SIDT1: variants seen among roughly 807,000 people sequenced by gnomAD.
SIDT1 encodes the protein SID1 transmembrane family member 1.
SIDT1 carries 101 observed loss-of-function variants against 107.5 expected under a neutral mutation model. That is an observed-to-expected ratio of 0.94 (90% CI 0.80 to 1.11). The LOEUF (loss-of-function observed/expected upper bound fraction) is 1.11, where lower values mean the gene tolerates loss of function less well. Among genes scored for constraint, SIDT1 ranks in the 50% least tolerant of loss-of-function variants. SIDT1 has a pLI of 0.00. For synonymous variants in SIDT1, 395 were observed against 398.2 expected (o/e 0.99, Z 0.10); for missense variants, 1,076 against 1,058.2 (o/e 1.02, Z -0.23).
chr3:113,542,259 T>C (rs1938998757), intron 1 of SIDT1, among the ~76,000 whole-genome samples: 1 of 152,156 alleles, frequency 6.6e-6, no homozygotes, highest in Admixed American at 6.5e-5. Flanking sequence ...GTGATGTAAC[T>C]TTTGAATATG....
chr3:113,571,535 T>C (rs1942457641), intron 3 of SIDT1, among the ~76,000 whole-genome samples: 1 of 133,096 alleles, frequency 7.5e-6, no homozygotes, highest in Non-Finnish European at 1.6e-5. Flanking sequence ...ACTCTTTTTC[T>C]ACACTCCAGT....
chr3:113,569,204 T>TAAAATTTA (rs1350489619), intron 3 of SIDT1, among the ~76,000 whole-genome samples: 2 of 147,900 alleles, frequency 1.4e-5, no homozygotes, highest in Non-Finnish European at 3.0e-5. Flanking sequence ...TCCATTTATA[T>TAAAATTTA]AAAATTTAAA....
intron 21 of SIDT1, among the ~76,000 whole-genome samples, chr3:113,622,393 G>T (rs1484565472): frequency 1.3e-5 from 2 of 150,442 alleles, no homozygotes; most frequent in African/African-American, 2.5e-5. Flanking sequence ...AACTTGGAGG[G>T]GTGGAGGTTG....
intron 11 of SIDT1, 133 bp from the exon 12 acceptor site, chr3:113,602,872 T>C (rs1478435214): frequency 1.6e-5 from 14 of 852,718 alleles, no homozygotes; most frequent in Non-Finnish European, 2.5e-5. Context: ...AGAACAGGTC[T>C]TGTGAATGAG....
At chr3:113,611,462 G>A (rs959817631) in intron 18 of SIDT1, among the ~76,000 whole-genome samples, 5 of 152,140 alleles carry the variant, frequency 3.3e-5, no homozygotes, top group African/African-American at 9.7e-5. Context: ...CTCCTGAGTA[G>A]CTGGGACTAC....
intron 1 of SIDT1, among the ~76,000 whole-genome samples, chr3:113,542,423 T>C (rs1939019252): frequency 6.6e-6 from 1 of 152,208 alleles, no homozygotes; most frequent in Non-Finnish European, 1.5e-5. Context: ...AATTACTTTA[T>C]ATCTTTTTAA....
intron 13 of SIDT1, among the ~76,000 whole-genome samples, chr3:113,604,468 A>G (rs1945181661): frequency 6.6e-6 from 1 of 152,264 alleles, no homozygotes; most frequent in Non-Finnish European, 1.5e-5. Flanking sequence ...TTAATCTAAC[A>G]GCAGCCTAAA....
intron 1 of SIDT1, 139 bp downstream of exon 1, chr3:113,533,382 C>G (rs776373535): frequency 3.7e-5 from 23 of 624,674 alleles, no homozygotes; most frequent in Non-Finnish European, 5.4e-5. Context: ...TCCTCCGAAG[C>G]AATCGCTGCC....
intron 19 of SIDT1, 57 bp from the exon 20 acceptor site, chr3:113,616,041 CAG>C (rs1234868343): frequency 8.4e-7 from 1 of 1,187,544 alleles, no homozygotes; most frequent in Non-Finnish European, 1.3e-6. Flanking sequence ...TGGGCCACTT[CAG>C]AGTATTTGTA....
At chr3:113,541,055 T>C (rs1276723990) in intron 1 of SIDT1, among the ~76,000 whole-genome samples, 1 of 152,102 alleles carries the variant, frequency 6.6e-6, no homozygotes, top group Non-Finnish European at 1.5e-5. Context: ...TGTTAGAGTA[T>C]ATAGCCATTA....
intron 1 of SIDT1, among the ~76,000 whole-genome samples, chr3:113,560,915 A>G (rs1941372476): frequency 6.6e-6 from 1 of 152,200 alleles, no homozygotes; most frequent in African/African-American, 2.4e-5. Context: ...TGTGATCTAT[A>G]TAATATCAGA....
chr3:113,610,708 T>C (rs1412065858), intron 17 of SIDT1, among the ~76,000 whole-genome samples: 1 of 152,200 alleles, frequency 6.6e-6, no homozygotes, highest in Non-Finnish European at 1.5e-5. Flanking sequence ...GGGGTAGTTG[T>C]TTGTTTATCA....
At chr3:113,561,330 G>C (rs573193384) in intron 1 of SIDT1, among the ~76,000 whole-genome samples, 1 of 151,988 alleles carries the variant, frequency 6.6e-6, no homozygotes, top group Admixed American at 6.6e-5. Context: ...TATATTTTTC[G>C]CAATTTATTA....
intron 1 of SIDT1, among the ~76,000 whole-genome samples, chr3:113,563,154 G>T (rs1007689115): frequency 6.6e-6 from 1 of 152,154 alleles, no homozygotes; most frequent in Non-Finnish European, 1.5e-5. Flanking sequence ...CTGTTGGTAG[G>T]CAAAGAAACT....
chr3:113,569,138 C>CAAA (rs780715523), intron 3 of SIDT1, among the ~76,000 whole-genome samples: 3,818 of 55,372 alleles, frequency 0.069, 193 homozygotes, highest in African/African-American at 0.15. Flanking sequence ...GACTCCCTCT[C>CAAA]AAAAAAAAAA....
intron 4 of SIDT1, among the ~76,000 whole-genome samples, chr3:113,578,384 G>T (rs3932276): frequency 0.25 from 38,162 of 150,770 alleles, 5,263 homozygotes; most frequent in East Asian, 0.58. Context: ...GGAGAATGGC[G>T]TGAACCCGGG....
chr3:113,542,938 GTT>G (rs1491369306), intron 1 of SIDT1, among the ~76,000 whole-genome samples: 15 of 136,318 alleles, frequency 1.1e-4, no homozygotes, highest in South Asian at 9.8e-4. Flanking sequence ...GTGTGTGTGT[GTT>G]TGTTTGTTTG....
intron 1 of SIDT1, among the ~76,000 whole-genome samples, chr3:113,557,059 C>T (rs897728512): frequency 4.0e-4 from 61 of 152,222 alleles, no homozygotes; most frequent in African/African-American, 1.3e-3. Flanking sequence ...GATCCACCCA[C>T]CTCCTCCCAA....
chr3:113,603,958 AGATGTTCCT>A lies in SIDT1; in HGVS notation c.1264-1_1271del, dbSNP rs930551863. The stretch of plus-strand genomic sequence containing the variant: ...GCATTCTCTTTTTATTTGGCATTCC[AGATGTTCCT>A]TTACCTGTCAGATTTGTCCAGGAAG... On this transcript the variant is annotated splice_acceptor_variant and coding_sequence_variant, in exon 13 of 25. Transcript: ENST00000264852. LOFTEE classifies it high-confidence loss of function. The A allele has an allele frequency of 5.0e-6, 8 of 1,610,710 alleles. No homozygotes were observed. In the African/African-American group the frequency reaches 9.4e-5, roughly 19 times the overall value.
Sources: allele counts gnomAD v4.1 joint callset (sites outside exome capture counted in the v4.1 genomes callset), GRCh38; gene constraint gnomAD v4.1.1; transcripts MANE v1.5; gene names NCBI Gene and HGNC (gene_info 2026-07-23, HGNC 2026-07-21).